Variants in MEIS1 observed in about 807,000 individuals in gnomAD.
MEIS1 encodes the protein homeobox protein Meis1.
MEIS1 carries 5 observed loss-of-function variants against 50.8 expected under a neutral mutation model. The ratio of observed to expected loss-of-function variants is 0.10; its 90% CI spans 0.05 to 0.21. The LOEUF (loss-of-function observed/expected upper bound fraction) is 0.21, where lower values mean the gene tolerates loss of function less well. Ranked by LOEUF, MEIS1 falls within the 10% of genes least tolerant of loss-of-function variation. The probability of loss-of-function intolerance (pLI) is 1.00; values close to 1 mark genes in which losing one functional copy is unlikely to be tolerated. For missense variants in MEIS1, 318 were observed against 517.3 expected, an observed-to-expected ratio of 0.61 and a Z score of 3.74; for synonymous variants, 176 against 179.3, an observed-to-expected ratio of 0.98 and a Z score of 0.15.
intron 6 of MEIS1, among the ~76,000 whole-genome samples, chr2:66,456,521 G>A (rs569031210): frequency 2.0e-5 from 3 of 152,330 alleles, no homozygotes; most frequent in African/African-American, 7.2e-5. Context: ...ATTCTGAAGA[G>A]GGATGCTGGA....
chr2:66,441,503 A>G (rs1671980860), intron 5 of MEIS1, 39 bp downstream of exon 5: 1 of 1,477,932 alleles, frequency 6.8e-7, no homozygotes. Flanking sequence ...CTTACCCCTT[A>G]CCCCCAAACA....
At chr2:66,479,768 G>A (rs1672974979) in intron 7 of MEIS1, among the ~76,000 whole-genome samples, 1 of 151,638 alleles carries the variant, frequency 6.6e-6, no homozygotes, top group Non-Finnish European at 1.5e-5. Context: ...TTTTCTTTAG[G>A]CACAAAGTCT....
chr2:66,437,055 T>TG, intron 1 of MEIS1: 1 of 703,584 alleles, frequency 1.4e-6, no homozygotes, highest in Non-Finnish European at 1.7e-6. Flanking sequence ...ACTTTGGGGG[T>TG]GGGGAATTGC....
chr2:66,507,670 A>G (rs1482250803), intron 7 of MEIS1, among the ~76,000 whole-genome samples: 1 of 152,164 alleles, frequency 6.6e-6, no homozygotes, highest in Non-Finnish European at 1.5e-5. Flanking sequence ...GTTAGTAGGG[A>G]GAGAAAAAAA....
chr2:66,495,590 T>C (rs912615966), intron 7 of MEIS1, among the ~76,000 whole-genome samples: 4 of 152,158 alleles, frequency 2.6e-5, no homozygotes, highest in African/African-American at 7.2e-5. Flanking sequence ...AGCATGTAAA[T>C]TATACTCTCA....
intron 6 of MEIS1, among the ~76,000 whole-genome samples, chr2:66,461,245 G>A (rs1251296695): frequency 1.3e-5 from 2 of 152,076 alleles, no homozygotes; most frequent in Non-Finnish European, 1.5e-5. Flanking sequence ...TGGTGTAACC[G>A]CATATAGTCA....
chr2:66,469,835 A>G (rs1236272606), intron 7 of MEIS1, among the ~76,000 whole-genome samples: 1 of 152,168 alleles, frequency 6.6e-6, no homozygotes, highest in Non-Finnish European at 1.5e-5. Flanking sequence ...AAACTACCGT[A>G]GCGACTCAGG....
At chr2:66,532,204 A>AT (rs1674409409) in intron 8 of MEIS1, among the ~76,000 whole-genome samples, 1 of 152,096 alleles carries the variant, frequency 6.6e-6, no homozygotes, top group Non-Finnish European at 1.5e-5. Context: ...GCTGTGATTT[A>AT]TTTTTTCGAT....
At chr2:66,505,550 C>T (rs926419432) in intron 7 of MEIS1, among the ~76,000 whole-genome samples, 1 of 151,834 alleles carries the variant, frequency 6.6e-6, no homozygotes. Context: ...TTTAAAATGC[C>T]GGCCTGAAGT....
intron 7 of MEIS1, among the ~76,000 whole-genome samples, chr2:66,478,065 G>A (rs1044838217): frequency 3.3e-5 from 5 of 152,160 alleles, no homozygotes; most frequent in South Asian, 2.1e-4. Flanking sequence ...TTTCAAAGTA[G>A]CGTACTTCAT....
At chr2:66,515,537 C>T (rs896639378) in intron 8 of MEIS1, among the ~76,000 whole-genome samples, 3 of 152,122 alleles carry the variant, frequency 2.0e-5, no homozygotes, top group African/African-American at 7.2e-5. Context: ...AGAACTAAAG[C>T]CTCACTCTTG....
At chr2:66,568,968 T>A (rs2103976476) in intron 11 of MEIS1, 82 bp from the exon 12 acceptor site, 1 of 1,346,614 alleles carries the variant, frequency 7.4e-7, no homozygotes, top group East Asian at 2.3e-5. Context: ...TAGATCCTGT[T>A]TTTTTTTTAA....
chr2:66,474,374 A>G (rs901160905), intron 7 of MEIS1, among the ~76,000 whole-genome samples: 5 of 151,878 alleles, frequency 3.3e-5, no homozygotes, highest in African/African-American at 1.2e-4. Context: ...CCCTGGGAGG[A>G]TGTTTTTATG....
At chr2:66,566,075 C>G (rs964403641) in intron 9 of MEIS1, among the ~76,000 whole-genome samples, 11 of 152,026 alleles carry the variant, frequency 7.2e-5, no homozygotes, top group Admixed American at 6.6e-5. Context: ...TGTTGTAGAC[C>G]TGTGTTTTAA....
chr2:66,458,719 G>A (rs1479778200), intron 6 of MEIS1, among the ~76,000 whole-genome samples: 2 of 152,074 alleles, frequency 1.3e-5, no homozygotes, highest in East Asian at 3.9e-4. Flanking sequence ...TCTTTCTTTT[G>A]ACTGTTATGC....
chr2:66,441,526 G>A, intron 5 of MEIS1, 62 bp downstream of exon 5: 1 of 1,341,516 alleles, frequency 7.5e-7, no homozygotes, highest in South Asian at 1.5e-5. Context: ...CAGGGGGGAG[G>A]GTTCCGAATG....
At chr2:66,456,498 G>A (rs2103725974) in intron 6 of MEIS1, among the ~76,000 whole-genome samples, 1 of 152,310 alleles carries the variant, frequency 6.6e-6, no homozygotes, top group South Asian at 2.1e-4. Context: ...TGGTGTGTTG[G>A]TGAAAGCCAC....
chr2:66,464,346 C>T (rs753878621), intron 7 of MEIS1, 126 bp downstream of exon 7: 142 of 753,214 alleles, frequency 1.9e-4, no homozygotes, highest in Non-Finnish European at 2.9e-4. Flanking sequence ...ACTTGAGAAT[C>T]AGCTCATCTT....
intron 9 of MEIS1, among the ~76,000 whole-genome samples, chr2:66,555,969 G>A (rs151248070): frequency 2.1e-3 from 325 of 152,230 alleles, no homozygotes; most frequent in African/African-American, 7.5e-3. Flanking sequence ...GCTCCAGTGT[G>A]TGCACGCCGA....
Sources: allele counts gnomAD v4.1 joint callset (sites outside exome capture counted in the v4.1 genomes callset), GRCh38; gene constraint gnomAD v4.1.1; transcripts MANE v1.5; gene names NCBI Gene and HGNC (gene_info 2026-07-23, HGNC 2026-07-21).